Variants in RNF130 observed in about 807,000 individuals in gnomAD.
The protein encoded by RNF130 is ring finger protein 130, also known as E3 ubiquitin-protein ligase RNF130.
RNF130 carries 21 observed loss-of-function variants against 44.6 expected under a neutral mutation model. That is an observed-to-expected ratio of 0.47 (90% CI 0.33 to 0.68). The LOEUF is 0.68. Ranked by LOEUF, RNF130 falls within the 30% of genes least tolerant of loss-of-function variation. The probability of loss-of-function intolerance (pLI) is 0.02; values close to 1 mark genes in which losing one functional copy is unlikely to be tolerated. For missense variants in RNF130, 479 were observed against 560.6 expected (o/e 0.85, Z 1.47); for synonymous variants, 214 against 210.4 (o/e 1.02, Z -0.15).
At chr5:179,914,983 G>A (rs1761520279) in exon 8 of RNF130, 1 of 152,224 alleles carries the variant, frequency 6.6e-6, no homozygotes, top group East Asian at 1.9e-4. Context: ...AGTGAGCCAA[G>A]ATTACACCAC....
intron 1 of RNF130, among the ~76,000 whole-genome samples, chr5:180,062,458 T>G (rs1024796446): frequency 1.3e-5 from 2 of 152,044 alleles, no homozygotes; most frequent in African/African-American, 4.8e-5. Context: ...CACTATCACA[T>G]TGGAAATGGA....
At chr5:179,922,344 G>T (rs1023631278) in intron 7 of RNF130, among the ~76,000 whole-genome samples, 5 of 151,752 alleles carry the variant, frequency 3.3e-5, no homozygotes, top group Non-Finnish European at 7.4e-5. Flanking sequence ...ACAGAGTCTT[G>T]CCCTGTTGCC....
intron 3 of RNF130, among the ~76,000 whole-genome samples, chr5:180,006,112 A>G: frequency 6.6e-6 from 1 of 152,210 alleles, no homozygotes; most frequent in East Asian, 1.9e-4. Flanking sequence ...ATAACTTCTC[A>G]GCTCAAACAT....
intron 1 of RNF130, among the ~76,000 whole-genome samples, chr5:180,046,168 C>T (rs1237196709): frequency 6.6e-6 from 1 of 152,190 alleles, no homozygotes; most frequent in Admixed American, 6.5e-5. Context: ...AGCGCACCCT[C>T]CGCAGCTGCT....
At chr5:179,961,162 C>T (rs1203548135) in intron 8 of RNF130, among the ~76,000 whole-genome samples, 1 of 151,990 alleles carries the variant, frequency 6.6e-6, no homozygotes, top group Admixed American at 6.6e-5. Context: ...AGACGTTGCC[C>T]CAGATTCTAA....
chr5:180,041,112 G>A (rs1381688042), intron 1 of RNF130, among the ~76,000 whole-genome samples: 1 of 152,164 alleles, frequency 6.6e-6, no homozygotes, highest in African/African-American at 2.4e-5. Context: ...CAGTGAGGAG[G>A]CCAAAATAAT....
At chr5:180,007,988 G>T (rs368873277) in intron 3 of RNF130, among the ~76,000 whole-genome samples, 9 of 129,844 alleles carry the variant, frequency 6.9e-5, no homozygotes, top group Admixed American at 1.6e-4. Flanking sequence ...AAATCTTTTA[G>T]TTTTTTTTTT....
intron 1 of RNF130, among the ~76,000 whole-genome samples, chr5:180,047,057 T>C (rs1476153995): frequency 6.6e-6 from 1 of 152,234 alleles, no homozygotes; most frequent in Non-Finnish European, 1.5e-5. Context: ...TTCTATCAGT[T>C]GCTTCCTACA....
At chr5:179,949,399 A>G (rs990269975) in intron 7 of RNF130, among the ~76,000 whole-genome samples, 2 of 151,966 alleles carry the variant, frequency 1.3e-5, no homozygotes, top group African/African-American at 2.4e-5. Flanking sequence ...GCTAGGGCTT[A>G]TAAGAACAAG....
intron 5 of RNF130, among the ~76,000 whole-genome samples, chr5:179,975,853 G>A (rs181137843): frequency 3.2e-4 from 48 of 152,268 alleles, no homozygotes; most frequent in African/African-American, 9.6e-4. Flanking sequence ...CAGGTGCAGC[G>A]CAGAAATGGT....
At chr5:179,954,436 C>T (rs557392453), downstream of RNF130, among the ~76,000 whole-genome samples, 45 of 152,202 alleles carry the variant, frequency 3.0e-4, no homozygotes, top group African/African-American at 1.1e-3. Flanking sequence ...ATGTATGAAC[C>T]GTGAACACAT....
chr5:179,931,179 G>T (rs1256379856), intron 7 of RNF130, among the ~76,000 whole-genome samples: 1 of 152,116 alleles, frequency 6.6e-6, no homozygotes, highest in African/African-American at 2.4e-5. Context: ...TCCTGTGACA[G>T]TGTTTCCCGC....
intron 7 of RNF130, among the ~76,000 whole-genome samples, chr5:179,930,591 G>A (rs980685067): frequency 4.6e-5 from 7 of 152,166 alleles, no homozygotes; most frequent in Non-Finnish European, 8.8e-5. Context: ...GAAAGAGACA[G>A]TGACAGCAGA....
chr5:179,914,167 T>C (rs1231030133), exon 8 of RNF130: 1 of 152,156 alleles, frequency 6.6e-6, no homozygotes, highest in Non-Finnish European at 1.5e-5. Context: ...AAGGCCAAAA[T>C]ACAAGACAAA....
chr5:179,937,339 T>C (rs1318597328), intron 7 of RNF130, among the ~76,000 whole-genome samples: 1 of 152,114 alleles, frequency 6.6e-6, no homozygotes, highest in Non-Finnish European at 1.5e-5. Flanking sequence ...ATAAAGAAAC[T>C]CTTACAACTC....
chr5:179,933,676 C>T (rs1422694807), intron 7 of RNF130: 1 of 319,198 alleles, frequency 3.1e-6, no homozygotes, highest in East Asian at 8.9e-5. Flanking sequence ...CACGCTCCAC[C>T]ATGCCGGGCT....
At chr5:179,953,477 G>A (rs1224451433), downstream of RNF130, among the ~76,000 whole-genome samples, 1 of 152,158 alleles carries the variant, frequency 6.6e-6, no homozygotes, top group Non-Finnish European at 1.5e-5. Context: ...AAACTCATAT[G>A]TCATTCTCAA....
chr5:179,994,863 C>T (rs1025487754), intron 3 of RNF130, among the ~76,000 whole-genome samples: 35 of 152,156 alleles, frequency 2.3e-4, no homozygotes, highest in African/African-American at 7.7e-4. Flanking sequence ...GTAGGGTTTA[C>T]GACTTATCTT....
At chr5:179,968,324 G>A (rs1246444797) in intron 6 of RNF130, among the ~76,000 whole-genome samples, 1 of 138,538 alleles carries the variant, frequency 7.2e-6, no homozygotes, top group East Asian at 2.0e-4. Flanking sequence ...AAAAAAAGAA[G>A]GCGGCGGCTA....
Sources: allele counts gnomAD v4.1 joint callset (sites outside exome capture counted in the v4.1 genomes callset), GRCh38; gene constraint gnomAD v4.1.1; transcripts MANE v1.5; gene names NCBI Gene and HGNC (gene_info 2026-07-23, HGNC 2026-07-21).